Variants in MACO1 observed in about 807,000 individuals in gnomAD.
The protein encoded by MACO1 is macoilin.
MACO1 carries 14 observed loss-of-function variants against 78.7 expected under a neutral mutation model. That is an observed-to-expected ratio of 0.18 (90% CI 0.12 to 0.28). The LOEUF (loss-of-function observed/expected upper bound fraction) is 0.28. MACO1 is among the 10% of genes least tolerant of loss of function. MACO1 has a pLI of 1.00. For synonymous variants in MACO1, 288 were observed against 291.6 expected, an observed-to-expected ratio of 0.99 and a Z score of 0.12; for missense variants, 501 against 799.0, an observed-to-expected ratio of 0.63 and a Z score of 4.50.
In MACO1 at chr1:25,489,157, T is replaced by C. The variant is rs758139462; in HGVS notation, c.1497-16T>C. 6.2e-7 allele frequency: 1 copy of C among 1,611,610 alleles called. No individual in the cohort carries two copies. Among genetic ancestry groups the C allele is most frequent in the Non-Finnish European group, 8.5e-7 (1 of 1,179,124 alleles). On this transcript the variant is annotated splice_polypyrimidine_tract_variant and intron_variant, in intron 8 of 10. Transcript: ENST00000374343. ...TCTTTTAAATCACTTTATTTCCTTC[T>C]CTTCTTTTTCAAAAGGGGAGAATGC...
intron 1 of MACO1, among the ~76,000 whole-genome samples, chr1:25,442,814 C>T (rs1439529341): frequency 6.6e-6 from 1 of 152,190 alleles, no homozygotes; most frequent in East Asian, 1.9e-4. Context: ...CGGAAGCTTA[C>T]AAGACCATCA....
rs1038103390 is a variant in MACO1 at position 25,485,466 on chromosome 1, C to T, written c.1314-147C>T. On this transcript the variant is annotated intron_variant, in intron 7 of 10. Transcript: ENST00000374343. This position sits in a 1 kb window ranked among gnomAD's most constrained non-coding sequence, Gnocchi z 4.3. The stretch of plus-strand genomic sequence containing the variant: ...TTATTAAAGAATAACAGTGTGTTTT[C>T]CTCAGGCATTCTGGGCATTGACATT... 11 of 742,048 alleles carry T rather than the reference C, an allele frequency of 1.5e-5. No homozygotes were observed. In the Admixed American group the frequency reaches 2.4e-4, roughly 16 times the overall value. The allele number at this position is 742,048 out of a possible 1,614,324, so 46.0% of individuals were successfully genotyped here.
In MACO1 at chr1:25,454,396, AAATG is replaced by A; in HGVS notation, c.473+15_473+18del. On this transcript the variant is annotated intron_variant, in intron 4 of 10. Coordinates refer to ENST00000374343, the MANE Select transcript of MACO1 (RefSeq NM_018202.6). ...TGCTGCTCACTGGTAAGTATTACAT[AAATG>A]TATGTGTGTGTGTGTGTATATGTGT... 1 of 1,564,506 alleles carries A rather than the reference AAATG, an allele frequency of 6.4e-7. No individual in the cohort carries two copies. Among genetic ancestry groups the A allele is most frequent in the Non-Finnish European group, 8.7e-7 (1 of 1,155,758 alleles).
chr1:25,461,218 G>T (rs1482739499), intron 6 of MACO1, among the ~76,000 whole-genome samples: 2 of 120,074 alleles, frequency 1.7e-5, no homozygotes, highest in African/African-American at 3.1e-5. Flanking sequence ...TTGTGGGGTG[G>T]GGGGAGGGGG....
At chr1:25,496,141 CT>C (rs1027074549) in intron 10 of MACO1, among the ~76,000 whole-genome samples, 10 of 146,858 alleles carry the variant, frequency 6.8e-5, no homozygotes, top group Non-Finnish European at 1.2e-4. Context: ...TTTTTGTGGG[CT>C]TTTTTTTTTC....
chr1:25,458,722 T>C lies in MACO1; in HGVS notation c.984T>C (p.Val328=), dbSNP rs781351385. The part of the protein sequence containing the change: ...SSKNYKNASG[V]VNSSPRSHSA... ...AAAATTACAAAAATGCCAGTGGAGT[T>C]GTGAACTCTTCACCTCGAAGTCATA... Residue 328 remains valine (V), a synonymous_variant, in exon 6 of 11, where the codon GTT becomes GTC. Transcript: ENST00000374343. 1.5e-5 allele frequency: 25 copies of C among 1,614,028 alleles called. No individual in the cohort carries two copies. In the South Asian group the frequency reaches 2.2e-4, roughly 14 times the overall value.
At chr1:25,442,425 C>T (rs2042980664) in intron 1 of MACO1, among the ~76,000 whole-genome samples, 1 of 152,188 alleles carries the variant, frequency 6.6e-6, no homozygotes, top group Non-Finnish European at 1.5e-5. Flanking sequence ...TCCACAGACT[C>T]ATTTCTGTAG....
intron 6 of MACO1, among the ~76,000 whole-genome samples, chr1:25,481,905 C>G (rs115768036): frequency 6.6e-6 from 1 of 152,166 alleles, no homozygotes; most frequent in African/African-American, 2.4e-5. Context: ...CTTGCACCTG[C>G]AGGGTGACTG....
intron 1 of MACO1, among the ~76,000 whole-genome samples, chr1:25,442,991 CT>C (rs1438494758): frequency 6.6e-6 from 1 of 152,106 alleles, no homozygotes; most frequent in Non-Finnish European, 1.5e-5. Flanking sequence ...ATATAATGAA[CT>C]GTGTATAAAA....
chr1:25,485,777 C>G lies in MACO1; in HGVS notation c.1478C>G (p.Ala493Gly), dbSNP rs778497320. 2 of 1,612,808 alleles carry G rather than the reference C, an allele frequency of 1.2e-6. No individual in the cohort carries two copies. Among genetic ancestry groups the G allele is most frequent in the African/African-American group, 2.7e-5 (2 of 74,766 alleles). Residue 493 changes from alanine (A) to glycine (G), a missense_variant, in exon 8 of 11, where the codon GCG (alanine) becomes GGG (glycine). Physicochemically the swap from Ala to Gly is moderately conservative, Grantham distance 60. Transcript: ENST00000374343. This position sits in a 1 kb window ranked among gnomAD's most constrained non-coding sequence, Gnocchi z 4.3. ...LEEATAARAV[A>G]FAAASRGECT... is the part of the protein sequence containing the mutation. ...GAAGCCACTGCTGCCCGGGCTGTTG[C>G]GTTTGCTGCTGCATCTAGGTATGTC... is the stretch of plus-strand genomic sequence containing the variant.
intron 1 of MACO1, 21 bp downstream of exon 1, chr1:25,431,199 T>G (rs2124562508): frequency 6.4e-7 from 1 of 1,572,554 alleles, no homozygotes; most frequent in East Asian, 2.4e-5. Flanking sequence ...GCACCCCCAC[T>G]CCGCGGGCGC....
chr1:25,459,968 G>A (rs2043156801), intron 6 of MACO1, among the ~76,000 whole-genome samples: 1 of 152,104 alleles, frequency 6.6e-6, no homozygotes. Context: ...TCCCCTTCCA[G>A]TAAGTTATAT....
chr1:25,442,329 CA>C (rs903462936), intron 1 of MACO1, among the ~76,000 whole-genome samples: 21 of 152,266 alleles, frequency 1.4e-4, no homozygotes, highest in African/African-American at 4.8e-4. Flanking sequence ...ATACTGAATG[CA>C]AAAGGTGACT....
chr1:25,496,698 A>G (rs115654070), intron 10 of MACO1, among the ~76,000 whole-genome samples: 1 of 145,194 alleles, frequency 6.9e-6, no homozygotes, highest in African/African-American at 2.9e-5. Flanking sequence ...GGAGCTAACA[A>G]TGGAAAAAAA....
intron 4 of MACO1, 80 bp downstream of exon 4, chr1:25,454,462 GTGTGTGTGTATATATATA>G: frequency 1.0e-5 from 2 of 191,354 alleles, no homozygotes; most frequent in Non-Finnish European, 7.3e-6. Flanking sequence ...GTGTGTGTGT[GTGTGTGTGTATATATATA>G]TATATATATT....
intron 6 of MACO1, 53 bp from the exon 7 acceptor site, chr1:25,484,063 G>C: frequency 6.4e-7 from 1 of 1,555,768 alleles, no homozygotes; most frequent in South Asian, 1.2e-5. Flanking sequence ...GTCCCTCCCA[G>C]CTCTGTGGGT....
chr1:25,480,978 C>A (rs1334002758), intron 6 of MACO1, among the ~76,000 whole-genome samples: 5 of 99,368 alleles, frequency 5.0e-5, no homozygotes, highest in Admixed American at 1.1e-4. Flanking sequence ...ATATATATTT[C>A]ATGTTCTTTG....
intron 9 of MACO1, among the ~76,000 whole-genome samples, chr1:25,489,587 A>C (rs1370152785): frequency 3.9e-5 from 6 of 152,214 alleles, no homozygotes; most frequent in African/African-American, 1.4e-4. Flanking sequence ...GTTATAGGCC[A>C]GATTAGTGTC....
rs63096061 is a variant in MACO1 at position 25,431,914 on chromosome 1, C to CT, written c.80+750dup. On this transcript the variant is annotated intron_variant, in intron 1 of 10. Coordinates refer to ENST00000374343, the MANE Select transcript of MACO1 (RefSeq NM_018202.6). ...TTTAAAAAGGGATTTTCTCCAAACT[C>CT]TTTTTTTTTTTTTTCATCCGCAAGA... is the stretch of plus-strand genomic sequence containing the variant. Among the ~76,000 whole-genome samples the CT allele has an allele frequency of 4.1e-3, 602 of 147,500 alleles. 4 individuals are homozygous for CT. The highest frequency in any genetic ancestry group is 0.011 in the African/African-American group (460 of 40,352).
Sources: allele counts gnomAD v4.1 joint callset (sites outside exome capture counted in the v4.1 genomes callset), GRCh38; gene constraint gnomAD v4.1.1; non-coding constraint Gnocchi (gnomAD v3.1); transcripts MANE v1.5; gene names NCBI Gene and HGNC (gene_info 2026-07-23, HGNC 2026-07-21).